The following SNX4 variants were observed in gnomAD, a reference collection of about 807,000 sequenced individuals.
SNX4 encodes sorting nexin 4, also known as sorting nexin-4.
A neutral mutation model predicts 70.8 loss-of-function variants in SNX4; 49 were observed. The observed-to-expected ratio is 0.69, with a 90% CI of 0.55 to 0.88. SNX4 has a LOEUF of 0.88. Among genes scored for constraint, SNX4 ranks in the 40% least tolerant of loss-of-function variants. The pLI, the probability that SNX4 is intolerant of heterozygous loss-of-function variation, is 0.00. For synonymous variants in SNX4, 206 were observed against 183.8 expected, an observed-to-expected ratio of 1.12 and a Z score of -0.98; for missense variants, 528 against 544.8, an observed-to-expected ratio of 0.97 and a Z score of 0.31.
At chr3:125,485,499 T>C (rs755442617) in intron 6 of SNX4, among the ~76,000 whole-genome samples, 13 of 152,118 alleles carry the variant, frequency 8.5e-5, no homozygotes, top group Non-Finnish European at 1.9e-4. Context: ...GGTTTCACTA[T>C]GTTGGCCAGG....
At chr3:125,473,661 C>T (rs1934227211) in intron 8 of SNX4, among the ~76,000 whole-genome samples, 1 of 152,124 alleles carries the variant, frequency 6.6e-6, no homozygotes, top group Admixed American at 6.5e-5. Context: ...GTGATCTGCC[C>T]GCATCGGCCT....
At chr3:125,511,809 A>G (rs569038017) in intron 1 of SNX4, among the ~76,000 whole-genome samples, 1 of 152,316 alleles carries the variant, frequency 6.6e-6, no homozygotes, top group South Asian at 2.1e-4. Context: ...TCAGTGCAGC[A>G]AAGGGTACAA....
intron 9 of SNX4, among the ~76,000 whole-genome samples, chr3:125,466,344 C>CA (rs75116020): frequency 0.058 from 6,164 of 105,698 alleles, 255 homozygotes; most frequent in African/African-American, 0.13. Context: ...TAACTATTAA[C>CA]AAAAAAAAAA....
intron 5 of SNX4, among the ~76,000 whole-genome samples, chr3:125,490,524 C>CAAAAAAAAAAAAA: frequency 2.0e-5 from 1 of 48,898 alleles, no homozygotes; most frequent in Non-Finnish European, 4.3e-5. Context: ...ACTCTGTCTC[C>CAAAAAAAAAAAAA]AAAAAAAAAA....
intron 4 of SNX4, 148 bp from the exon 5 acceptor site, chr3:125,497,536 T>G: frequency 1.6e-6 from 1 of 634,900 alleles, no homozygotes; most frequent in South Asian, 2.2e-5. Context: ...AAATTAAACA[T>G]TCAATCCAAC....
chr3:125,518,122 A>G (rs1935320298), intron 1 of SNX4, among the ~76,000 whole-genome samples: 1 of 152,240 alleles, frequency 6.6e-6, no homozygotes, highest in Non-Finnish European at 1.5e-5. Context: ...CTTTTAAATT[A>G]ACATAAACAG....
At chr3:125,458,653 A>G (rs1023287909) in intron 10 of SNX4, among the ~76,000 whole-genome samples, 3 of 151,160 alleles carry the variant, frequency 2.0e-5, no homozygotes, top group Admixed American at 6.6e-5. Flanking sequence ...CGTCTCTACT[A>G]AAAATACAAA....
chr3:125,449,354 G>A (rs1413941924), intron 13 of SNX4: 1 of 151,812 alleles, frequency 6.6e-6, no homozygotes, highest in East Asian at 1.9e-4. Context: ...GGGAGGCGGA[G>A]GTTGTAGTGA....
At chr3:125,503,044 C>G (rs866434375) in intron 2 of SNX4, among the ~76,000 whole-genome samples, 1 of 151,578 alleles carries the variant, frequency 6.6e-6, no homozygotes, top group Admixed American at 6.6e-5. Context: ...CTCAGCCTCC[C>G]GAGTAGCTGG....
chr3:125,493,453 A>C (rs888879222), intron 5 of SNX4, among the ~76,000 whole-genome samples: 1 of 151,792 alleles, frequency 6.6e-6, no homozygotes, highest in African/African-American at 2.4e-5. Flanking sequence ...AGAGATCAAG[A>C]CCATCCTGGC....
chr3:125,497,505 A>C, intron 4 of SNX4, 117 bp from the exon 5 acceptor site: 2 of 734,866 alleles, frequency 2.7e-6, no homozygotes, highest in Non-Finnish European at 2.3e-6. Context: ...GAGAAGTTTA[A>C]AAAAATTTCT....
chr3:125,482,313 C>A (rs891857522), intron 6 of SNX4, among the ~76,000 whole-genome samples: 1 of 152,208 alleles, frequency 6.6e-6, no homozygotes, highest in South Asian at 2.1e-4. Flanking sequence ...TTCCACTACT[C>A]CTCAAATCTT....
At chr3:125,490,524 C>CAAAAAAAAA (rs1173858739) in intron 5 of SNX4, among the ~76,000 whole-genome samples, 4 of 48,884 alleles carry the variant, frequency 8.2e-5, no homozygotes, top group Non-Finnish European at 1.7e-4. Context: ...ACTCTGTCTC[C>CAAAAAAAAA]AAAAAAAAAA....
chr3:125,504,539 TTC>T, intron 2 of SNX4, 82 bp downstream of exon 2: 3 of 1,301,752 alleles, frequency 2.3e-6, no homozygotes, highest in Non-Finnish European at 3.2e-6. Flanking sequence ...CTTTAAAAAA[TTC>T]TGTTATACAG....
chr3:125,464,719 A>G (rs550149260), intron 9 of SNX4, among the ~76,000 whole-genome samples: 1 of 151,622 alleles, frequency 6.6e-6, no homozygotes, highest in African/African-American at 2.4e-5. Flanking sequence ...GTACAGGTAC[A>G]TGCCACCACT....
intron 6 of SNX4, among the ~76,000 whole-genome samples, chr3:125,483,393 C>T (rs1490810417): frequency 1.3e-5 from 2 of 151,988 alleles, no homozygotes; most frequent in African/African-American, 4.8e-5. Flanking sequence ...TGATTAGGTC[C>T]CCTAAAAATG....
Position 125,469,568 on chromosome 3 carries a change from AATAGT to A in SNX4, c.789-54_789-50del, listed in dbSNP as rs750712490. 15 of 1,184,304 alleles carry A rather than the reference AATAGT, an allele frequency of 1.3e-5. No homozygotes were observed. In the East Asian group the frequency reaches 3.5e-4, roughly 28 times the overall value. The allele number at this position is 1,184,304 out of a possible 1,614,324, so 73.4% of individuals were successfully genotyped here. A position where few individuals can be genotyped will look rare whatever the true frequency, so the allele number is the denominator to read the frequency against. On this transcript the variant is annotated intron_variant, in intron 8 of 13. Transcript: ENST00000251775. ...AAAGCAACATGCATTAGAGATATGG[AATAGT>A]ATTAAATGGACTCTTTTCAAGATTC...
rs1336052533 is a variant in SNX4 at position 125,446,880 on chromosome 3, T to C, written c.*899A>G. 6.6e-6 allele frequency: 1 copy of C among 152,574 alleles called. No homozygotes were observed. Among genetic ancestry groups the C allele is most frequent in the Non-Finnish European group, 1.5e-5 (1 of 68,014 alleles). 9.5% of individuals were successfully genotyped at this position (152,574 alleles called of 1,614,324 possible). On this transcript the variant is annotated 3_prime_UTR_variant, in exon 14 of 14. Transcript: ENST00000251775. ...ACATACAAAAAAACAATATAATTTA[T>C]CTTTACAAAAATTACAGCCAAGCAA...
intron 11 of SNX4, among the ~76,000 whole-genome samples, chr3:125,456,534 C>T (rs1021001381): frequency 7.2e-5 from 11 of 152,148 alleles, no homozygotes; most frequent in African/African-American, 2.4e-4. Flanking sequence ...GTGGTCCCAA[C>T]TACTCAAGAG....
Sources: gnomAD v4.1 joint callset for allele counts (sites outside exome capture counted in the v4.1 genomes callset) on GRCh38, gnomAD v4.1.1 for gene constraint, MANE v1.5 for transcripts, NCBI Gene and HGNC (gene_info 2026-07-23, HGNC 2026-07-21) for gene names.